The following LY86 variants were observed in gnomAD, a reference collection of about 807,000 sequenced individuals.
LY86 encodes MD-1, RP105-associated.
LY86 carries 20 observed loss-of-function variants against 17.3 expected under a neutral mutation model. That is an observed-to-expected ratio of 1.15 (90% CI 0.81 to 1.68). The LOEUF (loss-of-function observed/expected upper bound fraction) is 1.68, where lower values mean the gene tolerates loss of function less well. Among genes scored for constraint, LY86 ranks in the 40% most tolerant of loss-of-function variants. The probability of loss-of-function intolerance (pLI) is 0.00; values close to 1 mark genes in which losing one functional copy is unlikely to be tolerated. For missense variants in LY86, 200 were observed against 191.9 expected, an observed-to-expected ratio of 1.04 and a Z score of -0.25; for synonymous variants, 74 against 70.6, an observed-to-expected ratio of 1.05 and a Z score of -0.24.
chr6:6,591,705 G>C (rs1235907888), intron 1 of LY86, among the ~76,000 whole-genome samples: 1 of 152,200 alleles, frequency 6.6e-6, no homozygotes, highest in Admixed American at 6.5e-5. Flanking sequence ...CACAGAGAAG[G>C]TAAGACATTG....
At chr6:6,650,218 C>T (rs1269332226) in intron 4 of LY86, among the ~76,000 whole-genome samples, 1 of 152,168 alleles carries the variant, frequency 6.6e-6, no homozygotes, top group East Asian at 1.9e-4. Flanking sequence ...AAGCTCACAG[C>T]TAAGAGTAGA....
chr6:6,633,457 G>A (rs1015649355), intron 3 of LY86, among the ~76,000 whole-genome samples: 1 of 152,102 alleles, frequency 6.6e-6, no homozygotes, highest in Non-Finnish European at 1.5e-5. Flanking sequence ...TTGTTACATA[G>A]TTAAACGTGT....
chr6:6,603,583 G>A (rs1358850102), intron 1 of LY86, among the ~76,000 whole-genome samples: 4 of 83,970 alleles, frequency 4.8e-5, no homozygotes, highest in Admixed American at 1.5e-4. Context: ...CAAAGCCAAA[G>A]CCAAAAACAA....
chr6:6,591,203 A>G (rs1292424092), intron 1 of LY86: 5 of 153,802 alleles, frequency 3.3e-5, no homozygotes, highest in African/African-American at 1.2e-4. Flanking sequence ...CACTTGCAAG[A>G]GGACTGGGCA....
intron 1 of LY86, among the ~76,000 whole-genome samples, chr6:6,593,817 C>T (rs1161576149): frequency 6.6e-6 from 1 of 152,164 alleles, no homozygotes; most frequent in Admixed American, 6.5e-5. Context: ...GACTCAAACC[C>T]GCTGTTTCTC....
At chr6:6,616,746 G>A (rs1276499163) in intron 1 of LY86, among the ~76,000 whole-genome samples, 1 of 152,220 alleles carries the variant, frequency 6.6e-6, no homozygotes, top group Non-Finnish European at 1.5e-5. Context: ...ACTTCTAGAA[G>A]CAGAAGGGAA....
chr6:6,589,679 G>A (rs1013083646), intron 1 of LY86, among the ~76,000 whole-genome samples: 1 of 152,090 alleles, frequency 6.6e-6, no homozygotes, highest in Non-Finnish European at 1.5e-5. Context: ...TCTCTTCTTT[G>A]CTTCTAGGTG....
intron 1 of LY86, among the ~76,000 whole-genome samples, chr6:6,603,927 A>C (rs1761008268): frequency 6.6e-6 from 1 of 152,172 alleles, no homozygotes; most frequent in Non-Finnish European, 1.5e-5. Flanking sequence ...AAAACAAAAA[A>C]AACTTATCTA....
At chr6:6,620,385 C>G (rs1761645547) in intron 1 of LY86, among the ~76,000 whole-genome samples, 1 of 152,214 alleles carries the variant, frequency 6.6e-6, no homozygotes, top group Non-Finnish European at 1.5e-5. Flanking sequence ...GAAAATGGGA[C>G]TAGCTGTGTA....
chr6:6,592,451 C>T (rs991439116), intron 1 of LY86, among the ~76,000 whole-genome samples: 2 of 152,178 alleles, frequency 1.3e-5, no homozygotes, highest in African/African-American at 2.4e-5. Context: ...CCAGCATATA[C>T]ACGAAGATGT....
intron 3 of LY86, among the ~76,000 whole-genome samples, chr6:6,643,380 C>A (rs530801072): frequency 6.6e-6 from 1 of 152,334 alleles, no homozygotes; most frequent in Admixed American, 6.5e-5. Context: ...GTGGACAAAC[C>A]TGGAGGACCT....
At chr6:6,614,247 G>A (rs1761490457) in intron 1 of LY86, among the ~76,000 whole-genome samples, 1 of 152,160 alleles carries the variant, frequency 6.6e-6, no homozygotes, top group Non-Finnish European at 1.5e-5. Context: ...TGCTGAGAGT[G>A]TGAACCTTGA....
At chr6:6,616,825 T>A (rs186811740) in intron 1 of LY86, among the ~76,000 whole-genome samples, 1 of 152,232 alleles carries the variant, frequency 6.6e-6, no homozygotes, top group Non-Finnish European at 1.5e-5. Context: ...TGCAGTCACG[T>A]AAACCACCCT....
At chr6:6,630,215 T>A (rs899977172) in intron 3 of LY86, among the ~76,000 whole-genome samples, 1 of 152,268 alleles carries the variant, frequency 6.6e-6, no homozygotes, top group African/African-American at 2.4e-5. Flanking sequence ...CCCCTGGGAA[T>A]AAATTTAAGA....
Position 6,654,727 on chromosome 6 carries a change from G to C in LY86, c.*100G>C. The C allele has an allele frequency of 9.7e-7, 1 of 1,035,230 alleles. No homozygotes were observed. Among genetic ancestry groups the C allele is most frequent in the East Asian group, 2.4e-5 (1 of 41,006 alleles). The allele number at this position is 1,035,230 out of a possible 1,614,324, so 64.1% of individuals were successfully genotyped here. On this transcript the variant is annotated 3_prime_UTR_variant, in exon 5 of 5. Coordinates refer to ENST00000230568, the MANE Select transcript of LY86 (RefSeq NM_004271.4). ...GGGAGGAGAAGCAGCTGATGACAGA[G>C]AGAGGCTCTACAAAGAAGCGCCCCC... is the stretch of plus-strand genomic sequence containing the variant.
intron 1 of LY86, among the ~76,000 whole-genome samples, chr6:6,617,926 C>T (rs148167541): frequency 0.018 from 2,772 of 152,250 alleles, 84 homozygotes; most frequent in African/African-American, 0.064. Context: ...CTGCAACCTC[C>T]GCCTCCCAGG....
At position 6,624,374 on chromosome 6, in the gene LY86, A is replaced by AATGGG. The variant is rs141299295; in HGVS notation, c.137-521_137-517dup. 1.6e-3 allele frequency among the ~76,000 whole-genome samples: 158 copies of AATGGG among 101,808 alleles called. 2 individuals are homozygous for AATGGG. The highest frequency in any genetic ancestry group is 1.1e-3 in the African/African-American group (24 of 22,598). The allele number at this position is 101,808 out of a possible 152,430, so 66.8% of individuals were successfully genotyped here. A position where few individuals can be genotyped will look rare whatever the true frequency, so the allele number is the denominator to read the frequency against. ...ATTTGGAGGAGGAAGCATTACATTA[A>AATGGG]ATGGGATGGGATGGGATGGGATGGG... On this transcript the variant is annotated intron_variant, in intron 1 of 4. Coordinates refer to ENST00000230568, the MANE Select transcript of LY86 (RefSeq NM_004271.4).
intron 1 of LY86, among the ~76,000 whole-genome samples, chr6:6,604,328 T>C (rs1418435864): frequency 6.6e-6 from 1 of 152,120 alleles, no homozygotes; most frequent in African/African-American, 2.4e-5. Context: ...ATATAAAATG[T>C]ATAGCTTCTT....
rs1761589687 is a variant in LY86, at chr6:6,617,828, T to A, written c.137-7098T>A. 2.0e-5 allele frequency among the ~76,000 whole-genome samples: 3 copies of A among 152,082 alleles called. No individual in the cohort carries two copies. In the South Asian group the frequency reaches 6.2e-4, roughly 31 times the overall value. ...TAGTGCATTTGGTTTTTTTGTTTTGTTTTGTTTTTTGTTTGTTTGTTTGTT... is the reference window on the plus strand; with the variant it reads ...TAGTGCATTTGGTTTTTTTGTTTTGATTTGTTTTTTGTTTGTTTGTTTGTT... On this transcript the variant is annotated intron_variant, in intron 1 of 4. Coordinates refer to ENST00000230568, the MANE Select transcript of LY86 (RefSeq NM_004271.4).
Sources: gnomAD v4.1 joint callset for allele counts (sites outside exome capture counted in the v4.1 genomes callset) on GRCh38, gnomAD v4.1.1 for gene constraint, MANE v1.5 for transcripts, NCBI Gene and HGNC (gene_info 2026-07-23, HGNC 2026-07-21) for gene names.